Variants in IGF2BP3 observed in about 807,000 individuals in gnomAD.
IGF2BP3 encodes the protein insulin-like growth factor 2 mRNA-binding protein 3.
IGF2BP3 carries 9 observed loss-of-function variants against 73.8 expected under a neutral mutation model. The ratio of observed to expected loss-of-function variants is 0.12; its 90% CI spans 0.07 to 0.21. The LOEUF is 0.21. Ranked by LOEUF, IGF2BP3 falls within the 10% of genes least tolerant of loss-of-function variation. The pLI is 1.00. For synonymous variants in IGF2BP3, 258 were observed against 256.7 expected, an observed-to-expected ratio of 1.01 and a Z score of -0.05; for missense variants, 542 against 714.0, an observed-to-expected ratio of 0.76 and a Z score of 2.75.
At chr7:23,397,381 C>T (rs1786509961) in intron 3 of IGF2BP3, among the ~76,000 whole-genome samples, 1 of 152,220 alleles carries the variant, frequency 6.6e-6, no homozygotes, top group Non-Finnish European at 1.5e-5. Flanking sequence ...CAGGAGAGCA[C>T]CGTGTTGTCA....
At chr7:23,336,746 G>A (rs1055334790) in intron 10 of IGF2BP3, among the ~76,000 whole-genome samples, 8 of 152,092 alleles carry the variant, frequency 5.3e-5, no homozygotes, top group African/African-American at 1.7e-4. Flanking sequence ...TCAGGAATTC[G>A]AGACCAGCCT....
At chr7:23,319,550 T>G (rs528176214) in intron 10 of IGF2BP3, among the ~76,000 whole-genome samples, 3 of 152,198 alleles carry the variant, frequency 2.0e-5, no homozygotes, top group African/African-American at 7.2e-5. Flanking sequence ...TTAATCATAT[T>G]AGAATAGCGG....
At chr7:23,433,228 A>AT (rs1371304211) in intron 2 of IGF2BP3, among the ~76,000 whole-genome samples, 10 of 151,674 alleles carry the variant, frequency 6.6e-5, no homozygotes, top group South Asian at 2.1e-4. Context: ...TATAAATATC[A>AT]TTATATTTTT....
At chr7:23,468,628 A>C in intron 1 of IGF2BP3, 86 bp from the exon 2 acceptor site, 3 of 1,391,692 alleles carry the variant, frequency 2.2e-6, no homozygotes, top group Non-Finnish European at 3.1e-6. Context: ...CGGCGACACA[A>C]ATGGCCTCCT....
rs746703546 is a variant in IGF2BP3, at chr7:23,355,810, A to G, written c.402-4224T>C. Among the ~76,000 whole-genome samples the G allele has an allele frequency of 2.6e-5, 4 of 151,970 alleles. No individual in the cohort carries two copies. The East Asian group carries it at 5.8e-4, about 22-fold the overall frequency. ...TAGCCAGGCATGGTGGCGTGAGCCT[A>G]TAATTCCAGCTACTTGGAAGGCTGA... On this transcript the variant is annotated intron_variant, in intron 5 of 14. Transcript: ENST00000258729.
rs1359003978 is a variant in IGF2BP3 at position 23,343,793 on chromosome 7, C to G, written c.1002G>C (p.Glu334Asp). ...ERTITVKGNV[E>D]TCAKAEEEIM... ...TCTCCTCCTCAGCTTTGGCACATGT[C>G]TCAACATTGCCTTTAACTGTAATAG... Residue 334 changes from glutamate to aspartate, a missense_variant, in exon 9 of 15, where the codon GAG becomes GAC. By Grantham distance (45) the Glu-to-Asp change is conservative. Around this residue, in one of 2 missense-constraint regions of IGF2BP3, gnomAD observed 303 missense variants for 472.1 expected, o/e 0.64. Transcript: ENST00000258729. The G allele has an allele frequency of 6.2e-7, 1 of 1,612,490 alleles. No homozygotes were observed. Among genetic ancestry groups the G allele is most frequent in the South Asian group, 1.1e-5 (1 of 91,048 alleles).
intron 3 of IGF2BP3, among the ~76,000 whole-genome samples, chr7:23,399,685 G>A (rs1341436489): frequency 6.6e-6 from 1 of 152,130 alleles, no homozygotes; most frequent in East Asian, 1.9e-4. Flanking sequence ...TGTTAGCAAT[G>A]TAAATTTTCT....
At chr7:23,411,141 G>C (rs767014418) in intron 3 of IGF2BP3, among the ~76,000 whole-genome samples, 1 of 152,110 alleles carries the variant, frequency 6.6e-6, no homozygotes, top group East Asian at 1.9e-4. Context: ...CTTTAAACTG[G>C]TTATTTCTAA....
At chr7:23,459,528 C>T (rs1036695092) in intron 2 of IGF2BP3, among the ~76,000 whole-genome samples, 2 of 152,098 alleles carry the variant, frequency 1.3e-5, no homozygotes, top group Non-Finnish European at 2.9e-5. Flanking sequence ...ATTTAGACCA[C>T]CATTTGGAAG....
chr7:23,432,421 A>G (rs1787706685), intron 2 of IGF2BP3, among the ~76,000 whole-genome samples: 1 of 152,212 alleles, frequency 6.6e-6, no homozygotes, highest in Non-Finnish European at 1.5e-5. Flanking sequence ...TTCGAAAGAC[A>G]ATTGATACAG....
At chr7:23,340,230 T>C (rs565769291) in intron 10 of IGF2BP3, among the ~76,000 whole-genome samples, 3 of 152,240 alleles carry the variant, frequency 2.0e-5, no homozygotes, top group Admixed American at 1.3e-4. Context: ...CACACTTCAC[T>C]TGTAGCTGAA....
chr7:23,343,618 C>CT (rs1469343765), intron 9 of IGF2BP3, 100 bp downstream of exon 9: 1 of 1,163,318 alleles, frequency 8.6e-7, no homozygotes, highest in African/African-American at 1.5e-5. Flanking sequence ...AGAACTACTT[C>CT]TAGTGATAAT....
intron 3 of IGF2BP3, among the ~76,000 whole-genome samples, chr7:23,377,236 G>A (rs559964830): frequency 6.6e-6 from 1 of 152,184 alleles, no homozygotes; most frequent in Admixed American, 6.5e-5. Context: ...TATCTGATAA[G>A]GGACTTACAT....
At chr7:23,321,505 C>A (rs1212625278) in intron 10 of IGF2BP3, among the ~76,000 whole-genome samples, 12 of 152,188 alleles carry the variant, frequency 7.9e-5, no homozygotes, top group Admixed American at 1.3e-4. Flanking sequence ...GAGGGGTGCC[C>A]GCCATTGCCC....
chr7:23,461,578 T>C (rs1024309425), intron 2 of IGF2BP3, among the ~76,000 whole-genome samples: 2 of 152,222 alleles, frequency 1.3e-5, no homozygotes, highest in Non-Finnish European at 2.9e-5. Flanking sequence ...ACTTTTCTGA[T>C]ACTCCTCAGC....
rs528724037 is a variant in IGF2BP3 at position 23,333,047 on chromosome 7, ATT to A, written c.1203+9015_1203+9016del. On this transcript the variant is annotated intron_variant, in intron 10 of 14. Transcript: ENST00000258729. ...AGTATTTTGTCATGACTGTGTAATTATTTGTTTCCTGGGCTTTGTTCCAAAAA... is the reference window on the plus strand; with the variant it reads ...AGTATTTTGTCATGACTGTGTAATTATGTTTCCTGGGCTTTGTTCCAAAAA... 4.8e-4 allele frequency among the ~76,000 whole-genome samples: 73 copies of A among 152,278 alleles called. 1 individual carries two copies. Among genetic ancestry groups the A allele is most frequent in the African/African-American group, 1.5e-3 (63 of 41,564 alleles).
At chr7:23,410,341 G>T (rs115166369) in intron 3 of IGF2BP3, among the ~76,000 whole-genome samples, 2 of 152,110 alleles carry the variant, frequency 1.3e-5, no homozygotes, top group Admixed American at 1.3e-4. Context: ...TGGGCGATAG[G>T]AGTCAAGATT....
chr7:23,431,991 A>C (rs1300081769), intron 2 of IGF2BP3, among the ~76,000 whole-genome samples: 1 of 152,218 alleles, frequency 6.6e-6, no homozygotes, highest in East Asian at 1.9e-4. Flanking sequence ...AATATTACTT[A>C]AACAATGAGC....
intron 2 of IGF2BP3, among the ~76,000 whole-genome samples, chr7:23,427,318 T>C (rs186702508): frequency 4.2e-4 from 64 of 152,282 alleles, no homozygotes; most frequent in Non-Finnish European, 6.2e-4. Context: ...CGTTTCCCTA[T>C]AGGAAACTCA....
Sources: allele counts gnomAD v4.1 joint callset (sites outside exome capture counted in the v4.1 genomes callset), GRCh38; gene constraint gnomAD v4.1.1; regional missense constraint gnomAD v4.1.1; transcripts MANE v1.5; gene names NCBI Gene and HGNC (gene_info 2026-07-23, HGNC 2026-07-21).